PAPPA2: variants seen among roughly 807,000 people sequenced by gnomAD.
The protein encoded by PAPPA2 is pappalysin 2.
A neutral mutation model predicts 176.4 loss-of-function variants in PAPPA2; 86 were observed. The ratio of observed to expected loss-of-function variants is 0.49; its 90% CI spans 0.41 to 0.58. The LOEUF is 0.58. Among genes scored for constraint, PAPPA2 ranks in the 20% least tolerant of loss-of-function variants. PAPPA2 has a pLI of 0.00. For synonymous variants in PAPPA2, 809 were observed against 852.2 expected, an observed-to-expected ratio of 0.95 and a Z score of 0.88; for missense variants, 2,073 against 2,256.9, an observed-to-expected ratio of 0.92 and a Z score of 1.65.
chr1:176,579,825 T>C (rs1652861086), intron 2 of PAPPA2, among the ~76,000 whole-genome samples: 1 of 152,204 alleles, frequency 6.6e-6, no homozygotes, highest in African/African-American at 2.4e-5. Flanking sequence ...ACTCAGCTTA[T>C]ACATTTATGG....
Position 176,842,398 on chromosome 1 carries a change from G to C in PAPPA2, c.5320G>C (p.Asp1774His), listed in dbSNP as rs1438265924. Residue 1774 changes from aspartate to histidine, a missense_variant, in exon 23 of 23, where the codon GAC (aspartate) becomes CAC (histidine). Physicochemically the swap from Asp to His is moderately conservative, Grantham distance 81 (BLOSUM62 -1). Transcript: ENST00000367662. ...CCCCTAGGTCATTCCATTTGCTGCT[G>C]ACTGTGACCTGGATGAGTGCACCTG... is the stretch of plus-strand genomic sequence containing the variant. Reference protein sequence around the residue: ...SSKKVIPFAADCDLDECTCRD... With the variant: ...SSKKVIPFAAHCDLDECTCRD... 1 of 1,613,212 alleles carries C rather than the reference G, an allele frequency of 6.2e-7. No individual in the cohort carries two copies. The highest frequency in any genetic ancestry group is 2.2e-5 in the East Asian group (1 of 44,862).
chr1:176,552,746 C>A (rs1651036830), intron 1 of PAPPA2, among the ~76,000 whole-genome samples: 1 of 152,308 alleles, frequency 6.6e-6, no homozygotes, highest in Admixed American at 6.5e-5. Context: ...TCTAGCTTCG[C>A]TGGTTTGAAA....
intron 1 of PAPPA2, among the ~76,000 whole-genome samples, chr1:176,520,589 C>T (rs1358886170): frequency 1.5e-4 from 23 of 152,144 alleles, no homozygotes; most frequent in Admixed American, 1.5e-3. Flanking sequence ...GCAGATCTTT[C>T]TGATTAAGGT....
chr1:176,547,448 G>A (rs1650700210), intron 1 of PAPPA2, among the ~76,000 whole-genome samples: 1 of 152,118 alleles, frequency 6.6e-6, no homozygotes, highest in South Asian at 2.1e-4. Context: ...ACTTTTTGTA[G>A]ACTATCCTTG....
chr1:176,473,744 A>G (rs531583741), intron 1 of PAPPA2, among the ~76,000 whole-genome samples: 1 of 152,332 alleles, frequency 6.6e-6, no homozygotes, highest in East Asian at 1.9e-4. Flanking sequence ...ATGTAGTGGT[A>G]TCTCATTGCT....
intron 3 of PAPPA2, among the ~76,000 whole-genome samples, chr1:176,639,375 G>C (rs1656933011): frequency 1.3e-5 from 2 of 152,094 alleles, no homozygotes; most frequent in Admixed American, 1.3e-4. Context: ...CCCTTCCATT[G>C]TGTGGCTGCT....
intron 1 of PAPPA2, among the ~76,000 whole-genome samples, chr1:176,536,421 A>G (rs1380143279): frequency 6.6e-6 from 1 of 152,166 alleles, no homozygotes; most frequent in Non-Finnish European, 1.5e-5. Flanking sequence ...ACTGACACAC[A>G]TGGTATAGAT....
chr1:176,699,456 C>G lies in PAPPA2; in HGVS notation c.3103C>G (p.Leu1035Val), dbSNP rs779526213. Residue 1035 changes from leucine to valine, a missense_variant, in exon 8 of 23, where the codon CTC (leucine) becomes GTC (valine). Physicochemically the swap from Leu to Val is conservative, Grantham distance 32. Transcript: ENST00000367662. ...FDERIEIDAALLTSQPHSPLC... is the reference protein window; with the variant it reads ...FDERIEIDAAVLTSQPHSPLC... ...TGAGAGGATAGAGATTGATGCAGCA[C>G]TCCTGACTTCTCAGCCCCACAGTCC... 6.2e-7 allele frequency: 1 copy of G among 1,614,150 alleles called. No individual in the cohort carries two copies. Among genetic ancestry groups the G allele is most frequent in the South Asian group, 1.1e-5 (1 of 91,078 alleles).
chr1:176,689,247 A>G (rs770834965), intron 4 of PAPPA2, among the ~76,000 whole-genome samples: 4 of 152,202 alleles, frequency 2.6e-5, no homozygotes, highest in South Asian at 2.1e-4. Context: ...AACAAGCTAC[A>G]CAGATAGAAG....
chr1:176,471,606 A>G (rs908308528), intron 1 of PAPPA2, among the ~76,000 whole-genome samples: 3 of 152,166 alleles, frequency 2.0e-5, no homozygotes, highest in African/African-American at 4.8e-5. Flanking sequence ...CTCCCTCCCC[A>G]TGAAAGTAAT....
chr1:176,731,691 ATGTGT>A (rs1662156703), intron 12 of PAPPA2, among the ~76,000 whole-genome samples: 1 of 151,546 alleles, frequency 6.6e-6, no homozygotes, highest in Non-Finnish European at 1.5e-5. Context: ...ATATACATAT[ATGTGT>A]ACATATATGT....
rs755942721 is a variant in PAPPA2, at chr1:176,800,101, C to T, written c.5171C>T (p.Pro1724Leu). 1.2e-6 allele frequency: 2 copies of T among 1,614,088 alleles called. No homozygotes were observed. Among genetic ancestry groups the T allele is most frequent in the East Asian group, 4.5e-5 (2 of 44,884 alleles). The stretch of plus-strand genomic sequence containing the variant: ...GGCCGGCGTCAATGGCACCCAGACC[C>T]CGTCTTAGTCCACTGCATCCAGTCA... The part of the protein sequence containing the change: ...CTGRRQWHPD[P>L]VLVHCIQSCE... The change falls in exon 21 of 23, where the codon CCC becomes CTC. Residue 1724 changes from proline to leucine, a missense_variant. Physicochemically the swap from Pro to Leu is moderately conservative, Grantham distance 98. Coordinates refer to ENST00000367662, the MANE Select transcript of PAPPA2 (RefSeq NM_020318.3).
intron 14 of PAPPA2, among the ~76,000 whole-genome samples, chr1:176,758,010 AG>A (rs1402872427): frequency 2.6e-5 from 4 of 152,308 alleles, no homozygotes; most frequent in African/African-American, 9.6e-5. Context: ...ATCTATTTTG[AG>A]GACCCAAACT....
chr1:176,806,121 G>A (rs999828372), intron 21 of PAPPA2, among the ~76,000 whole-genome samples: 1 of 151,784 alleles, frequency 6.6e-6, no homozygotes, highest in Admixed American at 6.6e-5. Flanking sequence ...CAACTTATAA[G>A]GCCTTTTAAA....
intron 17 of PAPPA2, 118 bp downstream of exon 17, chr1:176,771,298 C>A: frequency 3.1e-6 from 3 of 957,584 alleles, no homozygotes; most frequent in South Asian, 1.5e-5. Flanking sequence ...GACAGGCAGG[C>A]AACCTGCTGT....
intron 2 of PAPPA2, among the ~76,000 whole-genome samples, chr1:176,580,524 A>G (rs1274380714): frequency 6.6e-6 from 1 of 152,134 alleles, no homozygotes; most frequent in Non-Finnish European, 1.5e-5. Context: ...GAATTATAGG[A>G]TAGTTCTATT....
At chr1:176,695,505 CT>C (rs1469819093) in intron 6 of PAPPA2, among the ~76,000 whole-genome samples, 2 of 152,078 alleles carry the variant, frequency 1.3e-5, no homozygotes, top group Non-Finnish European at 2.9e-5. Context: ...TCTTTTATGA[CT>C]TAGTTAATTT....
intron 11 of PAPPA2, among the ~76,000 whole-genome samples, chr1:176,711,368 C>A (rs1003698147): frequency 6.6e-6 from 1 of 152,142 alleles, no homozygotes; most frequent in Non-Finnish European, 1.5e-5. Flanking sequence ...TTAGTCTAGT[C>A]TGTCTGTCTT....
intron 1 of PAPPA2, among the ~76,000 whole-genome samples, chr1:176,464,998 A>AT (rs2102456631): frequency 6.6e-6 from 1 of 152,324 alleles, no homozygotes; most frequent in South Asian, 2.1e-4. Flanking sequence ...TAGGATTCTA[A>AT]TACACGTATA....
Sources: allele counts gnomAD v4.1 joint callset (sites outside exome capture counted in the v4.1 genomes callset), GRCh38; gene constraint gnomAD v4.1.1; transcripts MANE v1.5; gene names NCBI Gene and HGNC (gene_info 2026-07-23, HGNC 2026-07-21).